The following IL7R variants were observed in gnomAD, a reference collection of about 807,000 sequenced individuals.
The protein encoded by IL7R is interleukin 7 receptor.
In IL7R, 38 loss-of-function variants were observed where a neutral mutation model predicts 47.0. The ratio of observed to expected loss-of-function variants is 0.81; its 90% CI spans 0.62 to 1.06. IL7R has a LOEUF of 1.06. Ranked by LOEUF, IL7R falls within the 50% of genes least tolerant of loss-of-function variation. IL7R has a pLI of 0.00. For missense variants in IL7R, 633 were observed against 534.8 expected, an observed-to-expected ratio of 1.18 and a Z score of -1.81; for synonymous variants, 221 against 199.8, an observed-to-expected ratio of 1.11 and a Z score of -0.89.
intron 2 of IL7R, among the ~76,000 whole-genome samples, chr5:35,861,787 T>A (rs1759827359): frequency 6.6e-6 from 1 of 152,156 alleles, no homozygotes; most frequent in South Asian, 2.1e-4. Context: ...CATCTCTTGT[T>A]GCCAAGGGTT....
chr5:35,878,965 A>T lies in IL7R; in HGVS notation c.*2479A>T. 1 of 232,902 alleles carries T rather than the reference A, an allele frequency of 4.3e-6. No individual in the cohort carries two copies. Among genetic ancestry groups the T allele is most frequent in the Non-Finnish European group, 8.5e-6 (1 of 117,854 alleles). The allele number at this position is 232,902 out of a possible 1,614,324, so 14.4% of individuals were successfully genotyped here. A position where few individuals can be genotyped will look rare whatever the true frequency, so the allele number is the denominator to read the frequency against. On this transcript the variant is annotated 3_prime_UTR_variant, in exon 8 of 8. Transcript: ENST00000303115. ...TCTGTTACTGTAGTATTTAAAATGC[A>T]TGTATTATAATCATATAATCATAAC...
At chr5:35,862,505 T>G (rs1195960515) in intron 2 of IL7R, among the ~76,000 whole-genome samples, 2 of 152,184 alleles carry the variant, frequency 1.3e-5, no homozygotes, top group African/African-American at 4.8e-5. Context: ...GTTTTCCAAT[T>G]GGATTCAGAT....
intron 3 of IL7R, among the ~76,000 whole-genome samples, chr5:35,868,991 C>T (rs1760006176): frequency 1.3e-5 from 2 of 152,120 alleles, no homozygotes; most frequent in South Asian, 2.1e-4. Context: ...ATGGCATAGG[C>T]CCCTTTGGAA....
chr5:35,864,344 C>A (rs980921996), intron 2 of IL7R, among the ~76,000 whole-genome samples: 4 of 151,968 alleles, frequency 2.6e-5, no homozygotes, highest in South Asian at 2.1e-4. Flanking sequence ...CATTCTTGGA[C>A]AAATCAGTTT....
intron 6 of IL7R, 110 bp downstream of exon 6, chr5:35,874,652 G>A (rs1760161629): frequency 1.1e-5 from 9 of 833,786 alleles, no homozygotes; most frequent in Middle Eastern, 4.4e-4. Flanking sequence ...GGCATTTCAC[G>A]AATTTAGTGC....
At chr5:35,864,321 A>G (rs1241667463) in intron 2 of IL7R, among the ~76,000 whole-genome samples, 1 of 152,064 alleles carries the variant, frequency 6.6e-6, no homozygotes, top group Non-Finnish European at 1.5e-5. Context: ...ATTATTTTTT[A>G]GGTTGCTGTT....
intron 4 of IL7R, 143 bp downstream of exon 4, chr5:35,871,356 C>A: frequency 1.5e-6 from 1 of 669,816 alleles, no homozygotes; most frequent in Non-Finnish European, 2.6e-6. Flanking sequence ...CCAATATTGG[C>A]CCCATGAAAA....
intron 3 of IL7R, 48 bp downstream of exon 3, chr5:35,867,511 A>G: frequency 6.8e-7 from 1 of 1,468,426 alleles, no homozygotes; most frequent in South Asian, 1.1e-5. Flanking sequence ...GGGCTACCTG[A>G]AAACACTGTG....
intron 2 of IL7R, among the ~76,000 whole-genome samples, chr5:35,864,960 T>G (rs1759900808): frequency 6.6e-6 from 1 of 152,180 alleles, no homozygotes; most frequent in Non-Finnish European, 1.5e-5. Context: ...TTATATTTAG[T>G]TTTTTTAATT....
chr5:35,867,690 T>C (rs1360455444), intron 3 of IL7R: 7 of 627,026 alleles, frequency 1.1e-5, no homozygotes, highest in Non-Finnish European at 1.7e-5. Context: ...AAAGATAGTG[T>C]TTGTGCAAAC....
In IL7R at chr5:35,856,989, A is replaced by G; in HGVS notation, c.12A>G (p.Leu4=). ...CTATCTCTCTCAGAATGACAATTCT[A>G]GGTACAACTTTTGGCATGGTTTTTT... MTI[L]GTTFGMVFSL... is the part of the protein sequence containing the mutation. Residue 4 remains leucine, a synonymous_variant, in exon 1 of 8, where the codon CTA becomes CTG. Coordinates refer to ENST00000303115, the MANE Select transcript of IL7R (RefSeq NM_002185.5). 6.3e-7 allele frequency: 1 copy of G among 1,598,038 alleles called. No individual in the cohort carries two copies. Among genetic ancestry groups the G allele is most frequent in the African/African-American group, 1.3e-5 (1 of 74,694 alleles).
At chr5:35,874,313 A>G (rs765891370) in intron 5 of IL7R, 136 bp from the exon 6 acceptor site, 402 of 751,488 alleles carry the variant, frequency 5.3e-4, no homozygotes, top group Non-Finnish European at 9.0e-4. Flanking sequence ...GCTGTCAAAT[A>G]TGTCTCTTAA....
At chr5:35,872,990 A>C (rs1048783466) in intron 4 of IL7R, among the ~76,000 whole-genome samples, 1 of 151,888 alleles carries the variant, frequency 6.6e-6, no homozygotes, top group Non-Finnish European at 1.5e-5. Context: ...ATAGCAATGG[A>C]CTTCTTTTTA....
chr5:35,867,348 AC>A lies in IL7R; in HGVS notation c.265del (p.Gln89LysfsTer13). ...TAAAGTGCCTGAATTTCAGGAAACT[AC>A]AAGAGATATATTTCATCGAGACAAA... The part of the protein sequence containing the change: ...EVKCLNFRKL[Q>X]EIYFIETKKF... On this transcript the variant is annotated frameshift_variant, in exon 3 of 8. Transcript: ENST00000303115. LOFTEE classifies it high-confidence loss of function. 1 of 1,613,682 alleles carries A rather than the reference AC, an allele frequency of 6.2e-7. No homozygotes were observed. The highest frequency in any genetic ancestry group is 8.5e-7 in the Non-Finnish European group (1 of 1,179,640).
rs2149905206 is a variant in IL7R at position 35,876,027 on chromosome 5, G to C, written c.921G>C (p.Gln307His). The C allele has an allele frequency of 6.2e-7, 1 of 1,614,028 alleles. No homozygotes were observed. The highest frequency in any genetic ancestry group is 1.7e-5 in the Admixed American group (1 of 60,020). The change falls in exon 8 of 8, where the codon CAG (glutamine) becomes CAC (histidine). Residue 307 changes from glutamine to histidine, a missense_variant. Transcript: ENST00000303115. ...ATCCTGAAAGTTTCCTGGACTGCCA[G>C]ATTCATAGGGTGGATGACATTCAAG... The part of the protein sequence containing the change: ...SFNPESFLDC[Q>H]IHRVDDIQAR...
At position 35,876,454 on chromosome 5, in the gene IL7R, G is replaced by A. The variant is rs1329201977; in HGVS notation, c.1348G>A (p.Val450Ile). Reference sequence around the variant, plus strand: ...GGGATCAAATCAAGAAGAAGCATATGTCACCATGTCCAGCTTCTACCAAAA... The same window carrying A: ...GGGATCAAATCAAGAAGAAGCATATATCACCATGTCCAGCTTCTACCAAAA... Reference protein sequence around the residue: ...SLGSNQEEAYVTMSSFYQNQ With the variant: ...SLGSNQEEAYITMSSFYQNQ The change falls in exon 8 of 8, where the codon GTC becomes ATC. Residue 450 changes from valine (V) to isoleucine (I), a missense_variant. Coordinates refer to ENST00000303115, the MANE Select transcript of IL7R (RefSeq NM_002185.5). 6.2e-7 allele frequency: 1 copy of A among 1,605,650 alleles called. No homozygotes were observed.
chr5:35,857,160 A>C, intron 1 of IL7R, 101 bp downstream of exon 1: 2 of 795,758 alleles, frequency 2.5e-6, no homozygotes, highest in South Asian at 2.7e-5. Context: ...CTGGGTTTGA[A>C]TGCAGTTTGA....
At chr5:35,869,852 T>C (rs1335679089) in intron 3 of IL7R, among the ~76,000 whole-genome samples, 1 of 152,190 alleles carries the variant, frequency 6.6e-6, no homozygotes, top group Non-Finnish European at 1.5e-5. Context: ...CTTCCCCTTT[T>C]ACAACCCATC....
At chr5:35,872,862 A>C (rs1398950230) in intron 4 of IL7R, among the ~76,000 whole-genome samples, 1 of 152,242 alleles carries the variant, frequency 6.6e-6, no homozygotes, top group Non-Finnish European at 1.5e-5. Context: ...CATTAAAAAA[A>C]CAAATATCAC....
Sources: gnomAD v4.1 joint callset for allele counts (sites outside exome capture counted in the v4.1 genomes callset) on GRCh38, gnomAD v4.1.1 for gene constraint, MANE v1.5 for transcripts, NCBI Gene and HGNC (gene_info 2026-07-23, HGNC 2026-07-21) for gene names.